GRID1: variants seen among roughly 807,000 people sequenced by gnomAD.
GRID1 encodes the protein glutamate receptor ionotropic, delta-1.
A neutral mutation model predicts 98.0 loss-of-function variants in GRID1; 28 were observed. The observed-to-expected ratio is 0.29, with a 90% confidence interval of 0.21 to 0.39. The LOEUF (loss-of-function observed/expected upper bound fraction) is 0.39. Among genes scored for constraint, GRID1 ranks in the 10% least tolerant of loss-of-function variants. The pLI is 1.00. For synonymous variants in GRID1, 553 were observed against 538.5 expected, an observed-to-expected ratio of 1.03 and a Z score of -0.37; for missense variants, 1,111 against 1,340.5, an observed-to-expected ratio of 0.83 and a Z score of 2.67.
chr10:86,227,840 A>C (rs1846378657), intron 2 of GRID1, among the ~76,000 whole-genome samples: 2 of 152,194 alleles, frequency 1.3e-5, no homozygotes, highest in African/African-American at 4.8e-5. Context: ...GACCTAGGCC[A>C]TGCCTCATCT....
At chr10:86,364,918 G>T (rs567276252) in intron 1 of GRID1, among the ~76,000 whole-genome samples, 2 of 152,202 alleles carry the variant, frequency 1.3e-5, no homozygotes, top group Non-Finnish European at 2.9e-5. Context: ...CAGCTTCCAC[G>T]GACCCTGCGC....
Position 86,300,581 on chromosome 10 carries a change from A to C in GRID1, c.235+63360T>G, listed in dbSNP as rs927482983. On this transcript the variant is annotated intron_variant, in intron 2 of 15. Coordinates refer to ENST00000327946, the MANE Select transcript of GRID1 (RefSeq NM_017551.3). ...GAGGGAAAAAACAAAATACCTGGAAAGAGCTTTTCCTTAAATAGAGTTCCC... is the reference window on the plus strand; with the variant it reads ...GAGGGAAAAAACAAAATACCTGGAACGAGCTTTTCCTTAAATAGAGTTCCC... Among the ~76,000 whole-genome samples the C allele has an allele frequency of 6.9e-5, 10 of 145,132 alleles. No individual in the cohort carries two copies. The East Asian group carries it at 1.9e-3, about 27-fold the overall frequency.
intron 2 of GRID1, among the ~76,000 whole-genome samples, chr10:86,311,639 GCT>G (rs374644401): frequency 6.6e-6 from 1 of 151,714 alleles, no homozygotes; most frequent in Non-Finnish European, 1.5e-5. Context: ...TTTTTCTCTT[GCT>G]CTCTCTCTCT....
chr10:86,323,059 T>C (rs981031539), intron 2 of GRID1, among the ~76,000 whole-genome samples: 3 of 152,124 alleles, frequency 2.0e-5, no homozygotes, highest in Admixed American at 1.3e-4. Flanking sequence ...ATCGCACCAC[T>C]GCACTCCAAC....
chr10:85,793,639 C>T (rs1842501067), intron 8 of GRID1, among the ~76,000 whole-genome samples: 1 of 152,166 alleles, frequency 6.6e-6, no homozygotes, highest in Non-Finnish European at 1.5e-5. Context: ...CTGCTACGCT[C>T]ACTGATAGTA....
At chr10:86,177,029 G>T (rs888202137) in intron 3 of GRID1, among the ~76,000 whole-genome samples, 1 of 152,034 alleles carries the variant, frequency 6.6e-6, no homozygotes, top group African/African-American at 2.4e-5. Context: ...CCCCAGGCAT[G>T]CACGGTACAG....
intron 2 of GRID1, among the ~76,000 whole-genome samples, chr10:86,337,719 T>G (rs1296241778): frequency 4.4e-5 from 6 of 136,746 alleles, no homozygotes; most frequent in Non-Finnish European, 9.6e-5. Context: ...TTTTTTTTTT[T>G]TTTTTTGAGA....
At chr10:85,707,678 G>A (rs1006767257) in intron 12 of GRID1, among the ~76,000 whole-genome samples, 1 of 152,106 alleles carries the variant, frequency 6.6e-6, no homozygotes. Context: ...TTTTATTGCG[G>A]CACTATTCAC....
intron 8 of GRID1, among the ~76,000 whole-genome samples, chr10:85,778,562 T>C (rs1842353349): frequency 6.6e-6 from 1 of 152,142 alleles, no homozygotes; most frequent in African/African-American, 2.4e-5. Context: ...TTCTAGTGCA[T>C]GGGAAGAGGA....
At chr10:85,974,957 A>G (rs1842453149) in intron 4 of GRID1, among the ~76,000 whole-genome samples, 1 of 152,200 alleles carries the variant, frequency 6.6e-6, no homozygotes, top group South Asian at 2.1e-4. Context: ...TGATCAGTGA[A>G]TCAATAACTT....
intron 4 of GRID1, among the ~76,000 whole-genome samples, chr10:86,131,344 T>C (rs1844834455): frequency 6.6e-6 from 1 of 152,208 alleles, no homozygotes; most frequent in South Asian, 2.1e-4. Flanking sequence ...CCATTTCGGC[T>C]GCTGCAGGCT....
rs183528220 is a variant in GRID1 at position 85,951,077 on chromosome 10, A to T, written c.727-34838T>A. On this transcript the variant is annotated intron_variant, in intron 4 of 15. Coordinates refer to ENST00000327946, the MANE Select transcript of GRID1 (RefSeq NM_017551.3). Reference sequence around the variant, plus strand: ...CTAGATCCCACTCCTATCCCCGGTCATTGGATGTTTCTATCCTCTTGTTCA... The same window carrying T: ...CTAGATCCCACTCCTATCCCCGGTCTTTGGATGTTTCTATCCTCTTGTTCA... 3.1e-3 allele frequency among the ~76,000 whole-genome samples: 469 copies of T among 152,244 alleles called. 5 individuals are homozygous for T. Among genetic ancestry groups the T allele is most frequent in the African/African-American group, 0.011 (459 of 41,546 alleles).
chr10:85,647,327 A>G lies in GRID1; in HGVS notation c.2068T>C (p.Tyr690His). 1 of 1,614,132 alleles carries G rather than the reference A, an allele frequency of 6.2e-7. No individual in the cohort carries two copies. Among genetic ancestry groups the G allele is most frequent in the African/African-American group, 1.3e-5 (1 of 75,058 alleles). Reference protein sequence around the residue: ...GTVRDSAVYEYFRAKGTNPLE... With the variant: ...GTVRDSAVYEHFRAKGTNPLE... Reference sequence around the variant, plus strand: ...GGGTTGGTGCCCTTGGCTCGGAAGTACTCATATACAGCAGAATCCCGGACA... The same window carrying G: ...GGGTTGGTGCCCTTGGCTCGGAAGTGCTCATATACAGCAGAATCCCGGACA... The change falls in exon 13 of 16, where the codon TAC (tyrosine) becomes CAC (histidine). Residue 690 changes from tyrosine to histidine, a missense_variant. Tyr to His is a moderately conservative substitution (Grantham distance 83). Around this residue, in one of 3 missense-constraint regions of GRID1, gnomAD observed 762 missense variants for 869.1 expected, o/e 0.88. Coordinates refer to ENST00000327946, the MANE Select transcript of GRID1 (RefSeq NM_017551.3).
intron 4 of GRID1, among the ~76,000 whole-genome samples, chr10:86,021,152 AT>A (rs1843043599): frequency 6.6e-6 from 1 of 152,172 alleles, no homozygotes; most frequent in Admixed American, 6.5e-5. Flanking sequence ...TCCACTTGCA[AT>A]TGCAGGTGTG....
intron 4 of GRID1, among the ~76,000 whole-genome samples, chr10:85,994,799 C>A (rs1021252773): frequency 6.6e-6 from 1 of 152,146 alleles, no homozygotes; most frequent in African/African-American, 2.4e-5. Flanking sequence ...CTACTATGGA[C>A]CAGAATTCCC....
At chr10:85,831,388 C>A (rs530597258) in intron 8 of GRID1, among the ~76,000 whole-genome samples, 1 of 152,118 alleles carries the variant, frequency 6.6e-6, no homozygotes, top group African/African-American at 2.4e-5. Context: ...CCATGACATG[C>A]AACTTACCTA....
intron 5 of GRID1, among the ~76,000 whole-genome samples, chr10:85,911,016 T>A (rs1175240695): frequency 6.6e-6 from 1 of 152,044 alleles, no homozygotes; most frequent in Non-Finnish European, 1.5e-5. Flanking sequence ...AAGTCACTCA[T>A]CCATTTGCAG....
intron 2 of GRID1, among the ~76,000 whole-genome samples, chr10:86,358,620 T>C: frequency 6.6e-6 from 1 of 151,718 alleles, no homozygotes; most frequent in Non-Finnish European, 1.5e-5. Context: ...TAGCCGGGCA[T>C]GGTGGCGGGC....
At position 85,869,406 on chromosome 10, in the gene GRID1, C is replaced by T. The variant is rs111481614; in HGVS notation, c.781-226G>A. Among the ~76,000 whole-genome samples the T allele has an allele frequency of 2.1e-4, 32 of 152,290 alleles. 2 individuals are homozygous for T. Among genetic ancestry groups the T allele is most frequent in the African/African-American group, 6.0e-4 (25 of 41,558 alleles). On this transcript the variant is annotated intron_variant, in intron 5 of 15. Transcript: ENST00000327946. ...ATTTTCCCTGAAGGCTAGAAAAAGA[C>T]GTTTGAGACTAAACCACTGGTGCAC...
Sources: gnomAD v4.1 joint callset for allele counts (sites outside exome capture counted in the v4.1 genomes callset) on GRCh38, gnomAD v4.1.1 for gene constraint, gnomAD v4.1.1 regional missense constraint, MANE v1.5 for transcripts, NCBI Gene and HGNC (gene_info 2026-07-23, HGNC 2026-07-21) for gene names.